IQSEC1: variants seen among roughly 807,000 people sequenced by gnomAD.
IQSEC1 encodes the protein IQ motif and Sec7 domain ArfGEF 1.
Under a neutral mutation model 91.0 loss-of-function variants are expected in IQSEC1, and 31 were observed. The ratio of observed to expected loss-of-function variants is 0.34; its 90% CI spans 0.26 to 0.46. The LOEUF is 0.46. Ranked by LOEUF, IQSEC1 falls within the 20% of genes least tolerant of loss-of-function variation. The pLI is 1.00. For missense variants in IQSEC1, 1,388 were observed against 1,575.6 expected (o/e 0.88, Z 2.02); for synonymous variants, 699 against 662.6 (o/e 1.05, Z -0.84).
intron 2 of IQSEC1, among the ~76,000 whole-genome samples, chr3:13,092,914 G>A (rs1705888791): frequency 1.3e-5 from 2 of 152,000 alleles, no homozygotes; most frequent in African/African-American, 4.8e-5. Context: ...CCTCTGCCGC[G>A]AGCACTCTTC....
chr3:13,007,739 C>G (rs979789807), intron 1 of IQSEC1, among the ~76,000 whole-genome samples: 1 of 152,244 alleles, frequency 6.6e-6, no homozygotes, highest in Non-Finnish European at 1.5e-5. Context: ...CTCCTCACTT[C>G]TGGGTCTGCC....
Position 12,940,587 on chromosome 3 carries a change from G to C in IQSEC1, c.318+984C>G, listed in dbSNP as rs1698657897. Reference sequence around the variant, plus strand: ...CCAGCAGGGGCAGAGGCAGCTGCCTGGGCATCTGGAGGAGCTGTCTAGAGC... The same window carrying C: ...CCAGCAGGGGCAGAGGCAGCTGCCTCGGCATCTGGAGGAGCTGTCTAGAGC... On this transcript the variant is annotated intron_variant, in intron 2 of 13. Coordinates refer to ENST00000613206, the MANE Select transcript of IQSEC1 (RefSeq NM_001134382.3). The surrounding 1 kb of genome is among the most constrained non-coding windows in gnomAD (Gnocchi z 4.4). Among the ~76,000 whole-genome samples, 1 of 151,766 alleles carries C rather than the reference G, an allele frequency of 6.6e-6. No homozygotes were observed. Among genetic ancestry groups the C allele is most frequent in the Non-Finnish European group, 1.5e-5 (1 of 67,928 alleles).
rs200038881 is a variant in IQSEC1, at chr3:12,900,164, TAAGG to T, written c.*815_*818del. The T allele has an allele frequency of 1.0e-6, 1 of 971,156 alleles. No individual in the cohort carries two copies. The highest frequency in any genetic ancestry group is 1.1e-4 in the East Asian group (1 of 8,784). 60.2% of individuals were successfully genotyped at this position (971,156 alleles called of 1,614,324 possible). On this transcript the variant is annotated 3_prime_UTR_variant, in exon 14 of 14. Transcript: ENST00000613206. ...TTATGATAGTATTCTGTTAATAAAA[TAAGG>T]ATTTATACAAAGCAATACTGGACTT... is the stretch of plus-strand genomic sequence containing the variant.
chr3:13,180,067 A>C (rs1387201032), intron 1 of IQSEC1, among the ~76,000 whole-genome samples: 1 of 151,618 alleles, frequency 6.6e-6, no homozygotes, highest in Non-Finnish European at 1.5e-5. Flanking sequence ...CACGGCGCCC[A>C]GTCCCATCCA....
intron 1 of IQSEC1, among the ~76,000 whole-genome samples, chr3:13,256,877 GCAGCGGGTGCAGCACCA>G (rs1695295618): frequency 3.4e-5 from 3 of 88,830 alleles, no homozygotes; most frequent in African/African-American, 2.6e-4. Context: ...TGCAGCACCA[GCAGCGGGTGCAGCACCA>G]GCAGCCAGCG....
chr3:12,899,479 G>GT lies in IQSEC1; in HGVS notation c.*1503dup, dbSNP rs1559590454. 6.3e-7 allele frequency: 1 copy of GT among 1,595,034 alleles called. No individual in the cohort carries two copies. Among genetic ancestry groups the GT allele is most frequent in the East Asian group, 2.3e-5 (1 of 43,976 alleles). ...GGTGACTCGGGCACAGACCTGCCGC[G>GT]TGCAGGTCTGGCCCTGGGGAGCGCA... On this transcript the variant is annotated 3_prime_UTR_variant, in exon 14 of 14. Coordinates refer to ENST00000613206, the MANE Select transcript of IQSEC1 (RefSeq NM_001134382.3).
intron 1 of IQSEC1, among the ~76,000 whole-genome samples, chr3:12,952,540 G>C (rs1699621158): frequency 6.6e-6 from 1 of 151,870 alleles, no homozygotes; most frequent in African/African-American, 2.4e-5. Flanking sequence ...TCTCCACCCA[G>C]CAACTGAGGT....
At chr3:13,117,912 C>T (rs576316230) in intron 2 of IQSEC1, among the ~76,000 whole-genome samples, 2 of 152,000 alleles carry the variant, frequency 1.3e-5, no homozygotes, top group Non-Finnish European at 1.5e-5. Context: ...ACATAAGTAT[C>T]GGTGAGGTAT....
chr3:13,240,654 C>T (rs1267355764), intron 1 of IQSEC1, among the ~76,000 whole-genome samples: 1 of 152,174 alleles, frequency 6.6e-6, no homozygotes, highest in Non-Finnish European at 1.5e-5. Context: ...CACAGAACAT[C>T]CTGAGAGCAG....
Position 12,897,254 on chromosome 3 carries a change from G to A in IQSEC1, c.*3729C>T, listed in dbSNP as rs1683438331. 6.6e-6 allele frequency: 1 copy of A among 152,228 alleles called. No homozygotes were observed. The highest frequency in any genetic ancestry group is 6.5e-5 in the Admixed American group (1 of 15,290). 9.4% of individuals were successfully genotyped at this position (152,228 alleles called of 1,614,324 possible). A position where few individuals can be genotyped will look rare whatever the true frequency, so the allele number is the denominator to read the frequency against. On this transcript the variant is annotated 3_prime_UTR_variant, in exon 14 of 14. Transcript: ENST00000613206. ...AAGGATTTATTTGATTTCCCCACATGATCACAACCATGGTTTTACATTGAT... is the reference window on the plus strand; with the variant it reads ...AAGGATTTATTTGATTTCCCCACATAATCACAACCATGGTTTTACATTGAT...
Position 12,901,183 on chromosome 3 carries a change from G to A in IQSEC1, c.3145C>T (p.Pro1049Ser), listed in dbSNP as rs913287885. 3.9e-6 allele frequency: 6 copies of A among 1,542,586 alleles called. No individual in the cohort carries two copies. The African/African-American group carries it at 5.5e-5, about 14-fold the overall frequency. The part of the protein sequence containing the change: ...PYHHHHHHHP[P>S]QHIQHAHQYH... ...TGGTGTGCGTGCTGGATGTGCTGGG[G>A]TGGGTGGTGGTGGTGGTGATGGTGG... The change falls in exon 14 of 14, where the codon CCC (proline) becomes TCC (serine). Residue 1049 changes from proline to serine, a missense_variant. Coordinates refer to ENST00000613206, the MANE Select transcript of IQSEC1 (RefSeq NM_001134382.3).
intron 1 of IQSEC1, among the ~76,000 whole-genome samples, chr3:13,006,015 T>C (rs1470816343): frequency 6.6e-6 from 1 of 152,198 alleles, no homozygotes; most frequent in African/African-American, 2.4e-5. Flanking sequence ...GATAGTAACT[T>C]TTTGACTTTG....
chr3:13,089,130 C>G (rs904622296), intron 2 of IQSEC1, among the ~76,000 whole-genome samples: 1 of 152,248 alleles, frequency 6.6e-6, no homozygotes, highest in African/African-American at 2.4e-5. Context: ...GGCCCCTCCC[C>G]AAAATACACT....
chr3:13,255,951 C>A (rs1695278390), intron 1 of IQSEC1, among the ~76,000 whole-genome samples: 1 of 152,156 alleles, frequency 6.6e-6, no homozygotes, highest in Admixed American at 6.5e-5. Context: ...AACTGGGGAA[C>A]TGGGGAGGGG....
At chr3:13,066,963 C>T (rs1345424772) in intron 1 of IQSEC1, among the ~76,000 whole-genome samples, 1 of 152,204 alleles carries the variant, frequency 6.6e-6, no homozygotes, top group Admixed American at 6.5e-5. Flanking sequence ...AGCTGCTGTG[C>T]CTGGCAGACA....
intron 2 of IQSEC1, among the ~76,000 whole-genome samples, chr3:13,104,614 A>G (rs1706116363): frequency 6.6e-6 from 1 of 151,894 alleles, no homozygotes; most frequent in African/African-American, 2.4e-5. Context: ...TAGCAGTTTC[A>G]TCTCCAAGTC....
chr3:13,101,418 C>CAAAAAAA (rs1706061076), intron 2 of IQSEC1, among the ~76,000 whole-genome samples: 3 of 104,008 alleles, frequency 2.9e-5, no homozygotes, highest in African/African-American at 4.2e-5. Context: ...GATTCCATCT[C>CAAAAAAA]CAAAAAAAAA....
Position 12,940,066 on chromosome 3 carries a change from A to G in IQSEC1, c.318+1505T>C, listed in dbSNP as rs924231198. Reference sequence around the variant, plus strand: ...CATATAATTCTCTTCAAAGGCCTCTATTAAGTCCCAACCTTTCTCCTTTCT... The same window carrying G: ...CATATAATTCTCTTCAAAGGCCTCTGTTAAGTCCCAACCTTTCTCCTTTCT... On this transcript the variant is annotated intron_variant, in intron 2 of 13. Coordinates refer to ENST00000613206, the MANE Select transcript of IQSEC1 (RefSeq NM_001134382.3). This position sits in a 1 kb window ranked among gnomAD's most constrained non-coding sequence, Gnocchi z 4.4. 2.0e-5 allele frequency among the ~76,000 whole-genome samples: 3 copies of G among 152,216 alleles called. No homozygotes were observed. Among genetic ancestry groups the G allele is most frequent in the Non-Finnish European group, 2.9e-5 (2 of 68,032 alleles).
In IQSEC1 at chr3:13,200,159, A is replaced by G. The variant is rs1033822160; in HGVS notation, c.273-36026T>C. ...CATATGCCACATGCACACACACCAA[A>G]CACACATACACACACATACAACACA... On this transcript the variant is annotated intron_variant, in intron 1 of 15. Coordinates refer to the IQSEC1 transcript ENST00000648114. Among the ~76,000 whole-genome samples, 6 of 149,988 alleles carry G rather than the reference A, an allele frequency of 4.0e-5. 1 individual carries two copies. In the South Asian group the frequency reaches 1.3e-3, roughly 31 times the overall value.
Sources: allele counts gnomAD v4.1 joint callset (sites outside exome capture counted in the v4.1 genomes callset), GRCh38; gene constraint gnomAD v4.1.1; non-coding constraint Gnocchi (gnomAD v3.1); transcripts MANE v1.5; gene names NCBI Gene and HGNC (gene_info 2026-07-23, HGNC 2026-07-21).